The following CCDC88C variants were observed in gnomAD, a reference collection of about 807,000 sequenced individuals.
CCDC88C encodes the protein coiled-coil and HOOK domain protein 88C.
In CCDC88C, 131 loss-of-function variants were observed where a neutral mutation model predicts 198.8. The observed-to-expected ratio is 0.66, with a 90% confidence interval of 0.57 to 0.76. The LOEUF is 0.76. Among genes scored for constraint, CCDC88C ranks in the 30% least tolerant of loss-of-function variants. The pLI, the probability that CCDC88C is intolerant of heterozygous loss-of-function variation, is 0.00. For synonymous variants in CCDC88C, 1,166 were observed against 1,114.7 expected, an observed-to-expected ratio of 1.05 and a Z score of -0.92; for missense variants, 2,553 against 2,631.6, an observed-to-expected ratio of 0.97 and a Z score of 0.65.
chr14:91,408,789 T>C (rs765056924), intron 2 of CCDC88C, 22 bp from the exon 3 acceptor site: 203 of 1,526,284 alleles, frequency 1.3e-4, no homozygotes, highest in South Asian at 3.1e-4. Flanking sequence ...AACACGAGAA[T>C]GGAAATTGCA....
chr14:91,383,510 G>A (rs887606663), intron 3 of CCDC88C, among the ~76,000 whole-genome samples: 22 of 152,272 alleles, frequency 1.4e-4, no homozygotes, highest in South Asian at 4.1e-4. Flanking sequence ...GAGAAAGTGG[G>A]GAGCCAGGGA....
intron 3 of CCDC88C, among the ~76,000 whole-genome samples, chr14:91,389,736 AAAG>A (rs892932200): frequency 2.0e-5 from 3 of 151,036 alleles, no homozygotes; most frequent in Non-Finnish European, 2.9e-5. Context: ...AAAAAAAAAA[AAAG>A]AAAGAAAAAG....
intron 3 of CCDC88C, among the ~76,000 whole-genome samples, chr14:91,389,050 G>A (rs866289813): frequency 5.9e-5 from 9 of 152,154 alleles, no homozygotes; most frequent in Non-Finnish European, 1.2e-4. Flanking sequence ...TAGTCTGCAC[G>A]CCAGCCCAAC....
At chr14:91,384,273 CTTTTT>C (rs3029466) in intron 3 of CCDC88C, 94 of 296,646 alleles carry the variant, frequency 3.2e-4, no homozygotes, top group Middle Eastern at 1.2e-3. Context: ...CCCCATCTCT[CTTTTT>C]TTTTTTTTTT....
chr14:91,417,545 G>A (rs1887132331), intron 1 of CCDC88C, 86 bp downstream of exon 1: 1 of 1,321,558 alleles, frequency 7.6e-7, no homozygotes, highest in Non-Finnish European at 1.0e-6. Flanking sequence ...CCGGGGCCCC[G>A]GCCGTGTCGG....
chr14:91,335,941 A>G (rs1285777), intron 10 of CCDC88C, among the ~76,000 whole-genome samples: 11,912 of 152,216 alleles, frequency 0.078, 530 homozygotes, highest in South Asian at 0.11. Flanking sequence ...GGACTTAATC[A>G]ACCATGCCCA....
rs531540620 is a variant in CCDC88C at position 91,289,121 on chromosome 14, G to A, written c.4425C>T (p.Asn1475=). Residue 1475 remains asparagine, a synonymous_variant, in exon 25 of 30, where the codon AAC becomes AAT. Coordinates refer to ENST00000389857, the MANE Select transcript of CCDC88C (RefSeq NM_001080414.4). ...CGCCCCTACCTTTCCCCACAGACCC[G>A]TTGTGGGCGTCGCGCTCTTCTGCAC... ...SNCAEERDAH[N]GSVGKGPGDL... is the part of the protein sequence containing the mutation. 1.1e-5 allele frequency: 17 copies of A among 1,612,552 alleles called. No homozygotes were observed. Among genetic ancestry groups the A allele is most frequent in the Non-Finnish European group, 1.4e-5 (17 of 1,179,708 alleles).
intron 3 of CCDC88C, among the ~76,000 whole-genome samples, chr14:91,369,225 C>T (rs1894672950): frequency 6.6e-6 from 1 of 152,154 alleles, no homozygotes; most frequent in South Asian, 2.1e-4. Flanking sequence ...AGCCTGTGGC[C>T]CAACCCCAGC....
In CCDC88C at chr14:91,299,911, G is replaced by A. The variant is rs781599786; in HGVS notation, c.3779+16C>T. 2.5e-5 allele frequency: 39 copies of A among 1,574,098 alleles called. No homozygotes were observed. The highest frequency in any genetic ancestry group is 6.7e-5 in the African/African-American group (5 of 74,726). ...CTGGGGTGCTGCTATGTGCAGGGCC[G>A]GGCGCCGGCGCTCACCTGTCCAGCT... is the stretch of plus-strand genomic sequence containing the variant. On this transcript the variant is annotated intron_variant, in intron 21 of 29. Transcript: ENST00000389857.
chr14:91,354,231 T>C (rs1351270729), intron 4 of CCDC88C, among the ~76,000 whole-genome samples: 1 of 152,236 alleles, frequency 6.6e-6, no homozygotes, highest in East Asian at 1.9e-4. Flanking sequence ...CCAGTGCAAC[T>C]GTCCTGTGAT....
At chr14:91,374,283 T>C (rs1337704009) in intron 3 of CCDC88C, among the ~76,000 whole-genome samples, 1 of 152,212 alleles carries the variant, frequency 6.6e-6, no homozygotes, top group Non-Finnish European at 1.5e-5. Flanking sequence ...CTATTACCTC[T>C]CATCCTAACT....
At chr14:91,402,561 A>G (rs756745060) in intron 3 of CCDC88C, among the ~76,000 whole-genome samples, 15 of 152,224 alleles carry the variant, frequency 9.9e-5, no homozygotes, top group Non-Finnish European at 2.1e-4. Flanking sequence ...TACAACACAC[A>G]CACATAAACA....
At chr14:91,343,784 T>C in intron 4 of CCDC88C, 127 bp from the exon 5 acceptor site, 2 of 1,042,668 alleles carry the variant, frequency 1.9e-6, no homozygotes, top group Admixed American at 2.0e-5. Flanking sequence ...CACTTAGGTA[T>C]ACACACTCCA....
chr14:91,408,852 C>T lies in CCDC88C; in HGVS notation c.162-85G>A, dbSNP rs796306662. ...CCCAGCCACGACCCAGCATCTTGTC[C>T]TCCAGTCCCTAGGTGACCATGAGGC... is the stretch of plus-strand genomic sequence containing the variant. On this transcript the variant is annotated intron_variant, in intron 2 of 29. Coordinates refer to ENST00000389857, the MANE Select transcript of CCDC88C (RefSeq NM_001080414.4). 32 of 844,794 alleles carry T rather than the reference C, an allele frequency of 3.8e-5. No individual in the cohort carries two copies. In the African/African-American group the frequency reaches 5.0e-4, roughly 13 times the overall value. The allele number at this position is 844,794 out of a possible 1,614,324, so 52.3% of individuals were successfully genotyped here. A position where few individuals can be genotyped will look rare whatever the true frequency, so the allele number is the denominator to read the frequency against.
At chr14:91,406,615 C>T in intron 3 of CCDC88C, among the ~76,000 whole-genome samples, 1 of 152,246 alleles carries the variant, frequency 6.6e-6, no homozygotes. Flanking sequence ...GCACTATGTG[C>T]TTCCCCTAGC....
chr14:91,293,547 C>CCCATCCTCACCCGCCACAGCTCA (rs1890844407), intron 23 of CCDC88C, among the ~76,000 whole-genome samples: 1 of 70,978 alleles, frequency 1.4e-5, no homozygotes, highest in Non-Finnish European at 3.4e-5. Flanking sequence ...GGCCCACCTT[C>CCCATCCTCACCCGCCACAGCTCA]CTGTCCCCTC....
intron 3 of CCDC88C, among the ~76,000 whole-genome samples, chr14:91,367,671 G>C (rs1488397830): frequency 6.6e-6 from 1 of 152,160 alleles, no homozygotes; most frequent in African/African-American, 2.4e-5. Flanking sequence ...AGGCTTCCCA[G>C]AGGAGACAGC....
chr14:91,366,831 G>C (rs1453202730), intron 3 of CCDC88C, among the ~76,000 whole-genome samples: 1 of 152,194 alleles, frequency 6.6e-6, no homozygotes, highest in Non-Finnish European at 1.5e-5. Flanking sequence ...CCCAGAAAAG[G>C]CCCACTCAAC....
chr14:91,404,860 G>C (rs1231603396), intron 3 of CCDC88C, among the ~76,000 whole-genome samples: 1 of 151,962 alleles, frequency 6.6e-6, no homozygotes, highest in Admixed American at 6.6e-5. Context: ...AGCTACTCGG[G>C]AGGCTGAGGC....
Sources: gnomAD v4.1 joint callset for allele counts (sites outside exome capture counted in the v4.1 genomes callset) on GRCh38, gnomAD v4.1.1 for gene constraint, MANE v1.5 for transcripts, NCBI Gene and HGNC (gene_info 2026-07-23, HGNC 2026-07-21) for gene names.